POU6F2: variants seen among roughly 807,000 people sequenced by gnomAD.
POU6F2 encodes the protein POU domain, class 6, transcription factor 2.
In POU6F2, 31 loss-of-function variants were observed where a neutral mutation model predicts 71.3. That is an observed-to-expected ratio of 0.43 (90% CI 0.33 to 0.59). POU6F2 has a LOEUF of 0.59. POU6F2 is among the 20% of genes least tolerant of loss of function. POU6F2 has a pLI of 0.04. For missense variants in POU6F2, 783 were observed against 856.8 expected, an observed-to-expected ratio of 0.91 and a Z score of 1.07; for synonymous variants, 347 against 355.7, an observed-to-expected ratio of 0.98 and a Z score of 0.27.
rs138210695 is a variant in POU6F2, at chr7:39,207,646, G to A, written c.598+26G>A. On this transcript the variant is annotated intron_variant, in intron 4 of 9. Transcript: ENST00000518318. ...GTAATCCATAATGTCCATGCGCCACGTAAGGCTCTACCCGTTGGCCAGTAT... is the reference window on the plus strand; with the variant it reads ...GTAATCCATAATGTCCATGCGCCACATAAGGCTCTACCCGTTGGCCAGTAT... The A allele has an allele frequency of 7.6e-5, 121 of 1,595,418 alleles. 1 individual carries two copies. Among genetic ancestry groups the A allele is most frequent in the African/African-American group, 6.7e-4 (50 of 74,686 alleles).
intron 2 of POU6F2, among the ~76,000 whole-genome samples, chr7:39,196,922 C>G (rs1456653871): frequency 6.6e-6 from 1 of 152,162 alleles, no homozygotes; most frequent in Non-Finnish European, 1.5e-5. Context: ...TCAGTGGAAT[C>G]GGCAGCGAGC....
intron 1 of POU6F2, among the ~76,000 whole-genome samples, chr7:39,063,886 A>T (rs1790705228): frequency 6.6e-6 from 1 of 152,178 alleles, no homozygotes; most frequent in Non-Finnish European, 1.5e-5. Flanking sequence ...TTGAGCCAAA[A>T]GTAGCAATAT....
At chr7:38,998,987 TAAGGGTGAGTTGG>T (rs1266156819) in intron 1 of POU6F2, among the ~76,000 whole-genome samples, 1 of 151,948 alleles carries the variant, frequency 6.6e-6, no homozygotes, top group African/African-American at 2.4e-5. Context: ...TTAGTTGATA[TAAGGGTGAGTTGG>T]AAGAGGGCAA....
At chr7:39,252,852 C>T (rs1783951530) in intron 4 of POU6F2, among the ~76,000 whole-genome samples, 1 of 152,208 alleles carries the variant, frequency 6.6e-6, no homozygotes, top group African/African-American at 2.4e-5. Context: ...CCCACAGGCA[C>T]ACCTTATGCC....
chr7:39,418,807 A>G (rs926951331), intron 6 of POU6F2, among the ~76,000 whole-genome samples: 4 of 151,264 alleles, frequency 2.6e-5, no homozygotes, highest in Non-Finnish European at 5.9e-5. Context: ...TTTCCTCTGA[A>G]GCAAAGCTGC....
At chr7:39,242,859 T>C (rs1382032591) in intron 4 of POU6F2, among the ~76,000 whole-genome samples, 3 of 152,116 alleles carry the variant, frequency 2.0e-5, no homozygotes, top group Non-Finnish European at 4.4e-5. Flanking sequence ...ACCACCTCCA[T>C]CAGGTTCTAG....
At chr7:39,326,669 TA>T (rs1785509924) in intron 4 of POU6F2, among the ~76,000 whole-genome samples, 1 of 152,232 alleles carries the variant, frequency 6.6e-6, no homozygotes, top group African/African-American at 2.4e-5. Context: ...GAGGGTTATT[TA>T]AATTTTTTGT....
chr7:38,990,940 T>C (rs1294244589), intron 1 of POU6F2, among the ~76,000 whole-genome samples: 1 of 152,086 alleles, frequency 6.6e-6, no homozygotes, highest in Non-Finnish European at 1.5e-5. Context: ...ATTAAGATCT[T>C]GGTAGGTTTT....
At position 39,067,507 on chromosome 7, in the gene POU6F2, T is replaced by G. The variant is rs1362875016; in HGVS notation, c.106-18353T>G. 3.3e-5 allele frequency among the ~76,000 whole-genome samples: 5 copies of G among 152,076 alleles called. No homozygotes were observed. In the South Asian group the frequency reaches 1.0e-3, roughly 32 times the overall value. On this transcript the variant is annotated intron_variant, in intron 1 of 9. Coordinates refer to ENST00000518318, the MANE Select transcript of POU6F2 (RefSeq NM_001370959.1). ...AATAACAAATTCTAGAAAAAATATTTGGGATGCATACAATTTGGAATCAGA... is the reference window on the plus strand; with the variant it reads ...AATAACAAATTCTAGAAAAAATATTGGGGATGCATACAATTTGGAATCAGA...
intron 4 of POU6F2, among the ~76,000 whole-genome samples, chr7:39,228,726 T>C (rs1475988595): frequency 6.6e-6 from 1 of 152,190 alleles, no homozygotes; most frequent in East Asian, 1.9e-4. Context: ...CGCAAATGAA[T>C]CTTTTGGAGA....
intron 1 of POU6F2, among the ~76,000 whole-genome samples, chr7:39,050,366 C>G (rs1300111607): frequency 6.6e-6 from 1 of 152,036 alleles, no homozygotes; most frequent in African/African-American, 2.4e-5. Flanking sequence ...GTTTATAGTT[C>G]AGACAGTTTT....
At chr7:39,336,761 T>TGCCTGA (rs1268460854) in intron 4 of POU6F2, among the ~76,000 whole-genome samples, 2 of 152,206 alleles carry the variant, frequency 1.3e-5, no homozygotes, top group Non-Finnish European at 2.9e-5. Flanking sequence ...TGCCCACATT[T>TGCCTGA]GCCTGAGCCT....
intron 1 of POU6F2, among the ~76,000 whole-genome samples, chr7:39,016,645 C>G (rs188739882): frequency 6.6e-6 from 1 of 151,956 alleles, no homozygotes; most frequent in East Asian, 1.9e-4. Flanking sequence ...GTAAGTGTTA[C>G]CATGGGGAGA....
At chr7:39,161,198 C>T (rs955919563) in intron 2 of POU6F2, among the ~76,000 whole-genome samples, 1 of 152,202 alleles carries the variant, frequency 6.6e-6, no homozygotes, top group African/African-American at 2.4e-5. Context: ...CTCTTTTCTC[C>T]TGTTTGCCTT....
At chr7:39,006,398 AG>A (rs964945227) in intron 1 of POU6F2, among the ~76,000 whole-genome samples, 6 of 152,134 alleles carry the variant, frequency 3.9e-5, no homozygotes, top group African/African-American at 1.4e-4. Flanking sequence ...TGGGAGGCGG[AG>A]GTTGCAGTGA....
Position 39,251,361 on chromosome 7 carries a change from G to C in POU6F2, c.598+43741G>C, listed in dbSNP as rs538051325. On this transcript the variant is annotated intron_variant, in intron 4 of 9. Transcript: ENST00000518318. ...AAAACCCAAGTTATTATAGTGAGCAGTGTTCTCTGAAATGAGTTTTGGCCA... is the reference window on the plus strand; with the variant it reads ...AAAACCCAAGTTATTATAGTGAGCACTGTTCTCTGAAATGAGTTTTGGCCA... Among the ~76,000 whole-genome samples the C allele has an allele frequency of 4.7e-4, 72 of 152,284 alleles. 1 individual carries two copies. The South Asian group carries it at 0.012, about 25-fold the overall frequency.
chr7:39,395,229 C>T (rs1406817984), intron 5 of POU6F2, among the ~76,000 whole-genome samples: 1 of 152,144 alleles, frequency 6.6e-6, no homozygotes, highest in African/African-American at 2.4e-5. Flanking sequence ...CGTGCCTTAC[C>T]CCATAATCTG....
At chr7:39,307,745 A>G (rs1785074359) in intron 4 of POU6F2, among the ~76,000 whole-genome samples, 3 of 152,140 alleles carry the variant, frequency 2.0e-5, no homozygotes. Flanking sequence ...TGGGAGGCCA[A>G]GGTAGGCGGG....
Position 39,452,776 on chromosome 7 carries a change from G to T in POU6F2, c.1489+1075G>T, listed in dbSNP as rs1039388599. On this transcript the variant is annotated intron_variant, in intron 8 of 9. Coordinates refer to ENST00000518318, the MANE Select transcript of POU6F2 (RefSeq NM_001370959.1). ...TTGTGGGTGGGGAAGAAAATGGAAT[G>T]AGGCATTATGGAAAGATGTTAAAAT... is the stretch of plus-strand genomic sequence containing the variant. Among the ~76,000 whole-genome samples, 5 of 152,326 alleles carry T rather than the reference G, an allele frequency of 3.3e-5. No individual in the cohort carries two copies. The East Asian group carries it at 9.6e-4, about 29-fold the overall frequency.
Sources: allele counts gnomAD v4.1 joint callset (sites outside exome capture counted in the v4.1 genomes callset), GRCh38; gene constraint gnomAD v4.1.1; transcripts MANE v1.5; gene names NCBI Gene and HGNC (gene_info 2026-07-23, HGNC 2026-07-21).